The following SYNE2 variants were observed in gnomAD, a reference collection of about 807,000 sequenced individuals.
The protein encoded by SYNE2 is spectrin repeat containing nuclear envelope protein 2.
SYNE2 carries 431 observed loss-of-function variants against 856.3 expected under a neutral mutation model. That is an observed-to-expected ratio of 0.50 (90% CI 0.47 to 0.55). The LOEUF (loss-of-function observed/expected upper bound fraction) is 0.55. Ranked by LOEUF, SYNE2 falls within the 20% of genes least tolerant of loss-of-function variation. The probability of loss-of-function intolerance (pLI) is 0.00; values close to 1 mark genes in which losing one functional copy is unlikely to be tolerated. For missense variants in SYNE2, 8,129 were observed against 8,023.2 expected, an observed-to-expected ratio of 1.01 and a Z score of -0.50; for synonymous variants, 2,923 against 2,872.3, an observed-to-expected ratio of 1.02 and a Z score of -0.56.
rs370675573 is a variant in SYNE2 at position 64,132,273 on chromosome 14, C to G, written c.14349C>G (p.Phe4783Leu). ...QAQIENHKVF[F>L]QKLVADMLLI... is the part of the protein sequence containing the mutation. ...CTTTCTCCATCTCATAGGTTTTTTT[C>G]CAGAAGCTTGTTGCTGACATGTTGT... The change falls in exon 77 of 116, where the codon TTC (phenylalanine) becomes TTG (leucine). Residue 4783 changes from phenylalanine to leucine, a missense_variant. Physicochemically the swap from Phe to Leu is conservative, Grantham distance 22. Coordinates refer to ENST00000555002, the MANE Select transcript of SYNE2 (RefSeq NM_182914.3). 1.4e-5 allele frequency: 22 copies of G among 1,612,936 alleles called. No homozygotes were observed. The highest frequency in any genetic ancestry group is 1.9e-5 in the Non-Finnish European group (22 of 1,179,932).
chr14:63,828,741 T>C (rs1161632216), intron 1 of SYNE2, among the ~76,000 whole-genome samples: 2 of 151,690 alleles, frequency 1.3e-5, no homozygotes, highest in African/African-American at 4.8e-5. Context: ...AAAAAATAAA[T>C]AAATAAATAA....
Position 64,053,197 on chromosome 14 carries a change from A to G in SYNE2, c.9284A>G (p.Lys3095Arg), listed in dbSNP as rs771325522. The G allele has an allele frequency of 1.7e-5, 28 of 1,613,908 alleles. No individual in the cohort carries two copies. The highest frequency in any genetic ancestry group is 2.2e-5 in the Non-Finnish European group (26 of 1,179,988). ...TTAAGTCAGAGAATTGAGAAAGCCA[A>G]GTGTTTATGTGATGAGATAATAAAG... ...QILSQRIEKAKCLCDEIIKKL... is the reference protein window; with the variant it reads ...QILSQRIEKARCLCDEIIKKL... Residue 3095 changes from lysine (K) to arginine (R), a missense_variant, in exon 48 of 116, where the codon AAG (lysine) becomes AGG (arginine). Around this residue, in one of 3 missense-constraint regions of SYNE2, gnomAD observed 5,410 missense variants for 5,284.8 expected, o/e 1.02. Transcript: ENST00000555002.
Position 63,983,780 on chromosome 14 carries a change from C to A in SYNE2, c.2045C>A (p.Thr682Asn). 1.2e-6 allele frequency: 2 copies of A among 1,613,126 alleles called. No homozygotes were observed. The highest frequency in any genetic ancestry group is 1.7e-6 in the Non-Finnish European group (2 of 1,179,364). The change falls in exon 18 of 116, where the codon ACT becomes AAT. Residue 682 changes from threonine (T) to asparagine (N), a missense_variant. Physicochemically the swap from Thr to Asn is moderately conservative, Grantham distance 65 (BLOSUM62 0). Around this residue, in one of 3 missense-constraint regions of SYNE2, gnomAD observed 2,422 missense variants for 2,357.4 expected, o/e 1.03. Transcript: ENST00000555002. ...ATGATAAAAAAACAGGATCAGCCCA[C>A]TTTTGACAATTCTGGAAATATTCTA... ...PLMIKKQDQP[T>N]FDNSGNILSK...
chr14:63,833,747 T>C (rs1268767838), intron 1 of SYNE2, among the ~76,000 whole-genome samples: 1 of 152,220 alleles, frequency 6.6e-6, no homozygotes, highest in East Asian at 1.9e-4. Context: ...TAAAACTTAA[T>C]AATTTTTGCA....
At position 64,051,461 on chromosome 14, in the gene SYNE2, T is replaced by C. The variant is rs114303154; in HGVS notation, c.7644-96T>C. The C allele has an allele frequency of 1.2e-3, 1,412 of 1,199,808 alleles. 16 individuals are homozygous for C. In the African/African-American group the frequency reaches 0.02, roughly 17 times the overall value. The allele number at this position is 1,199,808 out of a possible 1,614,324, so 74.3% of individuals were successfully genotyped here. ...GACAGCCTAATTTTTTCTGTGAATT[T>C]AGAGCAGAATTAATTTCTTCTAATG... On this transcript the variant is annotated intron_variant, in intron 47 of 115. Transcript: ENST00000555002.
At position 63,936,072 on chromosome 14, in the gene SYNE2, A is replaced by G. The variant is rs369358465; in HGVS notation, c.80-4542A>G. Among the ~76,000 whole-genome samples, 35 of 152,180 alleles carry G rather than the reference A, an allele frequency of 2.3e-4. 1 individual carries two copies. Among genetic ancestry groups the G allele is most frequent in the African/African-American group, 8.2e-4 (34 of 41,532 alleles). On this transcript the variant is annotated intron_variant, in intron 2 of 115. Coordinates refer to ENST00000555002, the MANE Select transcript of SYNE2 (RefSeq NM_182914.3). ...GTATTTTTAATAGAGATGGGGTTTC[A>G]CCATGTTGGCCACGCTGGTCTCGAA...
chr14:64,202,759 GT>G (rs753747644), intron 99 of SYNE2, 41 bp from the exon 100 acceptor site: 174 of 1,596,204 alleles, frequency 1.1e-4, no homozygotes, highest in Non-Finnish European at 1.4e-4. Context: ...TCCATCACTG[GT>G]TTTTTTTTGT....
At chr14:63,912,183 A>G (rs1385913244) in intron 2 of SYNE2, among the ~76,000 whole-genome samples, 3 of 152,204 alleles carry the variant, frequency 2.0e-5, no homozygotes, top group Non-Finnish European at 1.5e-5. Flanking sequence ...TAGATTTCCC[A>G]AAGTTAAGCT....
chr14:64,059,448 T>A (rs755251688), intron 49 of SYNE2, among the ~76,000 whole-genome samples: 6 of 152,220 alleles, frequency 3.9e-5, no homozygotes, highest in Admixed American at 2.6e-4. Flanking sequence ...TTGGTGGTCT[T>A]GTATAAGATC....
chr14:64,033,325 G>C (rs1401919289), intron 45 of SYNE2, among the ~76,000 whole-genome samples: 1 of 152,138 alleles, frequency 6.6e-6, no homozygotes, highest in African/African-American at 2.4e-5. Flanking sequence ...TTTTGACTGT[G>C]AACCCCCAAA....
intron 1 of SYNE2, among the ~76,000 whole-genome samples, chr14:63,864,863 C>T (rs1026410398): frequency 1.3e-5 from 2 of 152,082 alleles, no homozygotes; most frequent in South Asian, 2.1e-4. Flanking sequence ...AATATGATTT[C>T]CTGGGGTGTT....
chr14:63,859,950 TCCCTCCCTCCC>T (rs1893060011), intron 1 of SYNE2, among the ~76,000 whole-genome samples: 35 of 118,990 alleles, frequency 2.9e-4, no homozygotes, highest in African/African-American at 1.1e-3. Context: ...CTTCCTTCCC[TCCCTCCCTCCC>T]TCCCTCCCTC....
intron 8 of SYNE2, among the ~76,000 whole-genome samples, chr14:63,958,264 A>G (rs1275917732): frequency 6.6e-6 from 1 of 152,144 alleles, no homozygotes; most frequent in Non-Finnish European, 1.5e-5. Context: ...TTACCTAATG[A>G]CTTTTTTCTC....
chr14:63,953,031 G>A (rs936397887), intron 7 of SYNE2, among the ~76,000 whole-genome samples: 11 of 152,166 alleles, frequency 7.2e-5, no homozygotes, highest in African/African-American at 2.7e-4. Context: ...AAAAATATGT[G>A]TCTTAAGCCC....
intron 1 of SYNE2, among the ~76,000 whole-genome samples, chr14:63,884,398 G>C (rs900026577): frequency 6.6e-6 from 1 of 152,178 alleles, no homozygotes; most frequent in Admixed American, 6.5e-5. Flanking sequence ...TTGCACGTCT[G>C]CTTGGTACCT....
chr14:63,806,714 T>C (rs545709392), intron 1 of SYNE2, among the ~76,000 whole-genome samples: 1 of 152,106 alleles, frequency 6.6e-6, no homozygotes, highest in Non-Finnish European at 1.5e-5. Flanking sequence ...TTTCTTTTTT[T>C]AAAATTTAAC....
rs1326565649 is a variant in SYNE2, at chr14:64,210,098, G to A, written c.18697G>A (p.Val6233Ile). 6.2e-7 allele frequency: 1 copy of A among 1,613,818 alleles called. No individual in the cohort carries two copies. Among genetic ancestry groups the A allele is most frequent in the Non-Finnish European group, 8.5e-7 (1 of 1,179,946 alleles). ...NQRWDNLQRR[V>I]TAVLRRLRHF... is the part of the protein sequence containing the mutation. ...GCGCTGGGACAACCTTCAGAGGCGG[G>A]TCACAGCCGTCCTGCGGAGACTCAG... is the stretch of plus-strand genomic sequence containing the variant. Residue 6233 changes from valine to isoleucine, a missense_variant, in exon 103 of 116, where the codon GTC (valine) becomes ATC (isoleucine). Coordinates refer to ENST00000555002, the MANE Select transcript of SYNE2 (RefSeq NM_182914.3).
chr14:64,211,218 A>G (rs2098639391), intron 103 of SYNE2, among the ~76,000 whole-genome samples: 1 of 152,166 alleles, frequency 6.6e-6, no homozygotes, highest in African/African-American at 2.4e-5. Flanking sequence ...GCCTCAAGTA[A>G]TCTTCCACCT....
At chr14:63,795,408 C>T (rs1046419063) in intron 1 of SYNE2, among the ~76,000 whole-genome samples, 4 of 152,096 alleles carry the variant, frequency 2.6e-5, no homozygotes, top group African/African-American at 7.2e-5. Flanking sequence ...TTTTGGGACT[C>T]GGACTGGCTC....
Sources: gnomAD v4.1 joint callset for allele counts (sites outside exome capture counted in the v4.1 genomes callset) on GRCh38, gnomAD v4.1.1 for gene constraint, gnomAD v4.1.1 regional missense constraint, MANE v1.5 for transcripts, NCBI Gene and HGNC (gene_info 2026-07-23, HGNC 2026-07-21) for gene names.